MARCHF10: variants seen among roughly 807,000 people sequenced by gnomAD.
MARCHF10 encodes probable E3 ubiquitin-protein ligase MARCHF10.
Under a neutral mutation model 76.2 loss-of-function variants are expected in MARCHF10, and 64 were observed. That is an observed-to-expected ratio of 0.84 (90% CI 0.69 to 1.03). The LOEUF is 1.03. MARCHF10 is among the 50% of genes least tolerant of loss of function. The probability of loss-of-function intolerance (pLI) is 0.00; values close to 1 mark genes in which losing one functional copy is unlikely to be tolerated. For synonymous variants in MARCHF10, 340 were observed against 357.5 expected, an observed-to-expected ratio of 0.95 and a Z score of 0.55; for missense variants, 875 against 958.0, an observed-to-expected ratio of 0.91 and a Z score of 1.14.
chr17:62,766,900 C>T (rs755391132), intron 3 of MARCHF10, among the ~76,000 whole-genome samples: 40 of 152,130 alleles, frequency 2.6e-4, no homozygotes, highest in Admixed American at 8.5e-4. Context: ...TCAAGGGATA[C>T]GTTCTGTTGC....
At chr17:62,789,093 A>AAC in intron 2 of MARCHF10, among the ~76,000 whole-genome samples, 1 of 151,446 alleles carries the variant, frequency 6.6e-6, no homozygotes, top group Admixed American at 6.6e-5. Context: ...AAAAAAAAAA[A>AAC]ACGCAGGTCA....
chr17:62,806,259 A>G (rs542756056), intron 1 of MARCHF10, among the ~76,000 whole-genome samples: 9 of 152,340 alleles, frequency 5.9e-5, no homozygotes, highest in East Asian at 1.9e-4. Context: ...ACTACATGAG[A>G]TAATGCTTAA....
intron 10 of MARCHF10, 157 bp downstream of exon 10, chr17:62,705,382 G>A (rs1335798993): frequency 1.3e-6 from 2 of 1,535,212 alleles, no homozygotes; most frequent in Non-Finnish European, 1.7e-6. Flanking sequence ...CTTCCTGATT[G>A]TTTGCTGCGG....
In MARCHF10 at chr17:62,788,415, A is replaced by G. The variant is rs141953682; in HGVS notation, c.210+65T>C. On this transcript the variant is annotated intron_variant, in intron 3 of 10. Coordinates refer to ENST00000311269, the MANE Select transcript of MARCHF10 (RefSeq NM_152598.4). ...TGGCTTTTTCCTACATCACACACACACACACACCACCACCACCAGCAGCAG... is the reference window on the plus strand; with the variant it reads ...TGGCTTTTTCCTACATCACACACACGCACACACCACCACCACCAGCAGCAG... 8.1e-6 allele frequency: 13 copies of G among 1,599,060 alleles called. No homozygotes were observed. The East Asian group carries it at 2.9e-4, about 36-fold the overall frequency.
chr17:62,748,328 C>T (rs559752595), intron 4 of MARCHF10, among the ~76,000 whole-genome samples: 6 of 151,166 alleles, frequency 4.0e-5, no homozygotes, highest in Admixed American at 2.6e-4. Flanking sequence ...ACCTGGGAGG[C>T]GGAGGTTGCA....
intron 2 of MARCHF10, among the ~76,000 whole-genome samples, chr17:62,792,615 CCAA>C (rs2092867544): frequency 6.8e-6 from 1 of 147,692 alleles, no homozygotes; most frequent in Admixed American, 6.7e-5. Flanking sequence ...CCATCAACCA[CCAA>C]CGCCTCCATC....
chr17:62,715,259 A>G (rs1457266280), intron 8 of MARCHF10, among the ~76,000 whole-genome samples: 1 of 152,232 alleles, frequency 6.6e-6, no homozygotes, highest in Admixed American at 6.5e-5. Flanking sequence ...GATGGAAGGA[A>G]GCAAGAAGGA....
chr17:62,732,992 CA>C (rs398041783), intron 6 of MARCHF10, among the ~76,000 whole-genome samples: 7,281 of 66,384 alleles, frequency 0.11, 209 homozygotes, highest in African/African-American at 0.28. Context: ...GACTCAGTCT[CA>C]AAAAAAAAAA....
intron 4 of MARCHF10, among the ~76,000 whole-genome samples, chr17:62,751,266 C>T (rs1299457737): frequency 1.3e-5 from 2 of 152,134 alleles, no homozygotes; most frequent in Non-Finnish European, 2.9e-5. Flanking sequence ...CTTGAATCGA[C>T]GGCTTACCTG....
At chr17:62,714,314 G>C (rs991295436) in intron 8 of MARCHF10, 1 of 818,508 alleles carries the variant, frequency 1.2e-6, no homozygotes, top group Non-Finnish European at 1.5e-6. Flanking sequence ...AGTTTTAACT[G>C]TGCAGGACCA....
intron 6 of MARCHF10, chr17:62,735,061 A>G (rs1395541265): frequency 6.6e-6 from 1 of 152,210 alleles, no homozygotes; most frequent in East Asian, 1.9e-4. Context: ...GATAAATGAT[A>G]TTTATTAATA....
intron 3 of MARCHF10, among the ~76,000 whole-genome samples, chr17:62,769,534 C>A (rs2092401942): frequency 6.6e-6 from 1 of 152,146 alleles, no homozygotes; most frequent in Admixed American, 6.5e-5. Context: ...GTGCCTCAAT[C>A]TTCTGAGTAG....
intron 1 of MARCHF10, among the ~76,000 whole-genome samples, chr17:62,805,711 A>C (rs965750214): frequency 1.3e-5 from 2 of 152,168 alleles, no homozygotes; most frequent in African/African-American, 4.8e-5. Flanking sequence ...CAGGAGTTCG[A>C]GATCGGCCTG....
intron 8 of MARCHF10, among the ~76,000 whole-genome samples, chr17:62,721,836 T>C (rs1349801751): frequency 2.6e-5 from 4 of 152,138 alleles, no homozygotes; most frequent in Non-Finnish European, 5.9e-5. Flanking sequence ...TCCAAGACCC[T>C]GATTTTTTTT....
chr17:62,760,481 C>T (rs17746711), intron 3 of MARCHF10, among the ~76,000 whole-genome samples: 13,331 of 152,206 alleles, frequency 0.088, 791 homozygotes, highest in Non-Finnish European at 0.13. Flanking sequence ...CAATACTCTG[C>T]GTTACTGGGT....
chr17:62,701,901 G>A, intron 10 of MARCHF10, 143 bp from the exon 11 acceptor site: 2 of 1,086,402 alleles, frequency 1.8e-6, no homozygotes, highest in African/African-American at 3.1e-5. Flanking sequence ...CTGGAACCGT[G>A]TGGGGAACAG....
intron 6 of MARCHF10, among the ~76,000 whole-genome samples, chr17:62,732,635 A>G (rs1344220789): frequency 1.3e-5 from 2 of 152,248 alleles, no homozygotes; most frequent in African/African-American, 4.8e-5. Flanking sequence ...TAGGAAGAAT[A>G]GCATAACGAT....
intron 1 of MARCHF10, among the ~76,000 whole-genome samples, chr17:62,803,613 A>G (rs781662596): frequency 4.6e-5 from 7 of 151,950 alleles, no homozygotes; most frequent in Admixed American, 6.6e-5. Context: ...TCCGCCTCCC[A>G]GGTTCCAGCT....
chr17:62,753,631 C>T (rs919281282), intron 4 of MARCHF10, among the ~76,000 whole-genome samples: 1 of 152,228 alleles, frequency 6.6e-6, no homozygotes, highest in Non-Finnish European at 1.5e-5. Context: ...CTTGCTCCCT[C>T]TCCTCCGTTC....
Sources: allele counts gnomAD v4.1 joint callset (sites outside exome capture counted in the v4.1 genomes callset), GRCh38; gene constraint gnomAD v4.1.1; transcripts MANE v1.5; gene names NCBI Gene and HGNC (gene_info 2026-07-23, HGNC 2026-07-21).